The following KALRN variants were observed in gnomAD, a reference collection of about 807,000 sequenced individuals.
KALRN encodes kalirin.
Under a neutral mutation model 353.7 loss-of-function variants are expected in KALRN, and 70 were observed. The observed-to-expected ratio is 0.20, with a 90% CI of 0.16 to 0.24. The LOEUF is 0.24. Ranked by LOEUF, KALRN falls within the 10% of genes least tolerant of loss-of-function variation. The pLI, the probability that KALRN is intolerant of heterozygous loss-of-function variation, is 1.00. For missense variants in KALRN, 2,791 were observed against 3,756.7 expected (o/e 0.74, Z 6.72); for synonymous variants, 1,391 against 1,434.8 (o/e 0.97, Z 0.69).
chr3:124,506,005 T>C (rs2108744710), intron 33 of KALRN, among the ~76,000 whole-genome samples: 1 of 152,236 alleles, frequency 6.6e-6, no homozygotes. Flanking sequence ...AGTTGGATGA[T>C]GGGAGTGGGT....
At chr3:124,483,746 G>T (rs1018689756) in intron 28 of KALRN, among the ~76,000 whole-genome samples, 1 of 152,122 alleles carries the variant, frequency 6.6e-6, no homozygotes, top group Admixed American at 6.5e-5. Context: ...GTAGGTTCTC[G>T]CATGTTAGGG....
intron 15 of KALRN, among the ~76,000 whole-genome samples, chr3:124,424,137 C>T (rs547759858): frequency 7.2e-4 from 109 of 152,264 alleles, no homozygotes; most frequent in Non-Finnish European, 1.4e-3. Flanking sequence ...GAACACACCA[C>T]CACTCTCCAC....
At chr3:124,354,926 C>T (rs902872955) in intron 10 of KALRN, among the ~76,000 whole-genome samples, 1 of 152,102 alleles carries the variant, frequency 6.6e-6, no homozygotes, top group Admixed American at 6.5e-5. Context: ...CAGAAATGAG[C>T]CATCATGTTA....
chr3:124,420,142 C>G (rs1476840909), intron 14 of KALRN, among the ~76,000 whole-genome samples: 1 of 152,184 alleles, frequency 6.6e-6, no homozygotes, highest in East Asian at 1.9e-4. Context: ...ATTTTATTTC[C>G]TGTGTTTTTC....
rs369945033 is a variant in KALRN at position 124,442,883 on chromosome 3, C to T, written c.3313+824C>T. Among the ~76,000 whole-genome samples the T allele has an allele frequency of 2.6e-3, 388 of 151,426 alleles. 1 individual carries two copies. The highest frequency in any genetic ancestry group is 4.6e-3 in the African/African-American group (189 of 41,256). ...CTATAGCTCTAGTTATTCAGGAGGCCGAGATGGAAGGCTCATTTGAGCCCA... is the reference window on the plus strand; with the variant it reads ...CTATAGCTCTAGTTATTCAGGAGGCTGAGATGGAAGGCTCATTTGAGCCCA... On this transcript the variant is annotated intron_variant, in intron 19 of 59. Transcript: ENST00000682506.
At chr3:124,696,279 C>A in intron 54 of KALRN, 24 bp downstream of exon 54, 7 of 1,609,042 alleles carry the variant, frequency 4.4e-6, no homozygotes, top group East Asian at 2.2e-5. Flanking sequence ...GTTAGTCAAA[C>A]CTTTTGAAAT....
intron 13 of KALRN, among the ~76,000 whole-genome samples, chr3:124,399,288 G>A (rs929318886): frequency 3.9e-5 from 6 of 152,040 alleles, no homozygotes; most frequent in South Asian, 2.1e-4. Context: ...ACAGGCATGC[G>A]CCACCACACC....
At chr3:124,690,943 G>A (rs1036937885) in intron 51 of KALRN, among the ~76,000 whole-genome samples, 2 of 152,190 alleles carry the variant, frequency 1.3e-5, no homozygotes, top group African/African-American at 4.8e-5. Flanking sequence ...TGGTTCATAA[G>A]TTCTTGGAAG....
At chr3:124,245,098 A>G (rs1215323287) in intron 3 of KALRN, among the ~76,000 whole-genome samples, 1 of 152,212 alleles carries the variant, frequency 6.6e-6, no homozygotes, top group African/African-American at 2.4e-5. Flanking sequence ...TATTCCTTCT[A>G]TGTAACTGTA....
At chr3:124,415,494 C>A (rs2092445183) in intron 14 of KALRN, among the ~76,000 whole-genome samples, 1 of 152,214 alleles carries the variant, frequency 6.6e-6, no homozygotes, top group South Asian at 2.1e-4. Flanking sequence ...CTCATTACAT[C>A]AGAATCCCAT....
intron 34 of KALRN, among the ~76,000 whole-genome samples, chr3:124,631,466 A>G (rs1267852728): frequency 6.6e-6 from 1 of 152,154 alleles, no homozygotes; most frequent in Admixed American, 6.5e-5. Context: ...CAGGAACCCC[A>G]TCCTAACCTC....
At position 124,056,209 on chromosome 3, in the gene KALRN, A is replaced by G. The variant is rs550688359; in HGVS notation, c.73+22396A>G. Among the ~76,000 whole-genome samples the G allele has an allele frequency of 2.0e-5, 3 of 152,120 alleles. No homozygotes were observed. The South Asian group carries it at 6.2e-4, about 32-fold the overall frequency. On this transcript the variant is annotated intron_variant, in intron 1 of 59. Transcript: ENST00000682506. ...TGCTGTAGTTGAGGGGGCATTTTAC[A>G]GGATTGCTCAGCTTTTGAAAGGAAA...
chr3:124,701,356 G>A (rs1227524997), intron 56 of KALRN, among the ~76,000 whole-genome samples: 1 of 150,822 alleles, frequency 6.6e-6, no homozygotes, highest in African/African-American at 2.4e-5. Flanking sequence ...AGCGGGATAA[G>A]AAGATAATTT....
intron 3 of KALRN, among the ~76,000 whole-genome samples, chr3:124,256,307 C>T (rs1422572028): frequency 6.6e-6 from 1 of 152,188 alleles, no homozygotes; most frequent in Non-Finnish European, 1.5e-5. Context: ...GCTTGAGGCA[C>T]TGGTACCCTA....
chr3:124,374,900 T>C (rs961516060), intron 10 of KALRN, among the ~76,000 whole-genome samples: 3 of 152,246 alleles, frequency 2.0e-5, no homozygotes, highest in African/African-American at 7.2e-5. Context: ...ATGGGGATGC[T>C]GTCTCACCAA....
intron 37 of KALRN, among the ~76,000 whole-genome samples, chr3:124,642,812 T>TTGTTGTTGTTGTTTTTTTTTTTTTTG (rs1559750062): frequency 1.4e-5 from 2 of 138,304 alleles, no homozygotes; most frequent in African/African-American, 2.8e-5. Flanking sequence ...CCTCGTTTTT[T>TTGTTGTTGTTGTTTTTTTTTTTTTTG]TTTTTTTTTT....
At chr3:124,352,780 C>T (rs1043100517) in intron 10 of KALRN, among the ~76,000 whole-genome samples, 2 of 151,908 alleles carry the variant, frequency 1.3e-5, no homozygotes, top group African/African-American at 4.8e-5. Flanking sequence ...AACCAAACAC[C>T]GCATGTTCTC....
chr3:124,657,872 G>A, intron 41 of KALRN, 69 bp downstream of exon 41: 1 of 1,192,494 alleles, frequency 8.4e-7, no homozygotes, highest in Non-Finnish European at 1.2e-6. Context: ...TTAAAATCCT[G>A]GCCAGGCACA....
At chr3:124,424,704 G>C (rs139024076) in intron 15 of KALRN, among the ~76,000 whole-genome samples, 1 of 152,192 alleles carries the variant, frequency 6.6e-6, no homozygotes, top group African/African-American at 2.4e-5. Flanking sequence ...GGAAATCCTA[G>C]CAGGCCCAGA....
Sources: allele counts gnomAD v4.1 joint callset (sites outside exome capture counted in the v4.1 genomes callset), GRCh38; gene constraint gnomAD v4.1.1; transcripts MANE v1.5; gene names NCBI Gene and HGNC (gene_info 2026-07-23, HGNC 2026-07-21).